TUBE1: variants seen among roughly 807,000 people sequenced by gnomAD.
TUBE1 encodes tubulin epsilon 1.
TUBE1 carries 34 observed loss-of-function variants against 53.5 expected under a neutral mutation model. That is an observed-to-expected ratio of 0.64 (90% CI 0.48 to 0.85). The LOEUF (loss-of-function observed/expected upper bound fraction) is 0.85. Among genes scored for constraint, TUBE1 ranks in the 40% least tolerant of loss-of-function variants. The probability of loss-of-function intolerance (pLI) is 0.00; values close to 1 mark genes in which losing one functional copy is unlikely to be tolerated. For missense variants in TUBE1, 532 were observed against 570.5 expected (o/e 0.93, Z 0.69); for synonymous variants, 177 against 198.4 (o/e 0.89, Z 0.91).
chr6:112,075,066 TTC>T (rs201938598), intron 8 of TUBE1: 2,284 of 173,414 alleles, frequency 0.013, 47 homozygotes, highest in African/African-American at 0.033. Flanking sequence ...TTTTTTTTCT[TTC>T]TTTTTTTTTT....
chr6:112,073,622 A>C (rs1776905412), intron 9 of TUBE1, among the ~76,000 whole-genome samples: 1 of 152,182 alleles, frequency 6.6e-6, no homozygotes, highest in African/African-American at 2.4e-5. Flanking sequence ...ACGGAGTCCT[A>C]TCTATTAGTT....
rs146955027 is a variant in TUBE1, at chr6:112,076,490, G to T, written c.468C>A (p.Gly156=). Residue 156 remains glycine, a synonymous_variant, in exon 7 of 12, where the codon GGC becomes GGA. Coordinates refer to ENST00000368662, the MANE Select transcript of TUBE1 (RefSeq NM_016262.5). ...SMGGGTGSGL[G]TFLLKVLEDE... is the part of the protein sequence containing the mutation. ...CTTCAAGCACCTTTAAAAGAAATGT[G>T]CCAAGTCCAGATCCTGTTCCTGAGG... The T allele has an allele frequency of 2.4e-4, 379 of 1,607,442 alleles. 4 individuals are homozygous for T. The East Asian group carries it at 7.7e-3, about 33-fold the overall frequency.
At chr6:112,072,206 G>T in intron 10 of TUBE1, 130 bp from the exon 11 acceptor site, 1 of 628,100 alleles carries the variant, frequency 1.6e-6, no homozygotes, top group Non-Finnish European at 2.6e-6. Flanking sequence ...TAGTTTAGAC[G>T]CTAAGTTATC....
rs1166893564 is a variant in TUBE1, at chr6:112,070,967, T to C, written c.*445A>G. 6.6e-6 allele frequency: 1 copy of C among 152,128 alleles called. No individual in the cohort carries two copies. Among genetic ancestry groups the C allele is most frequent in the Non-Finnish European group, 1.5e-5 (1 of 67,990 alleles). The allele number at this position is 152,128 out of a possible 1,614,324, so 9.4% of individuals were successfully genotyped here. A position where few individuals can be genotyped will look rare whatever the true frequency, so the allele number is the denominator to read the frequency against. ...CCTATGCCTGAAAAGTTGGTGGCTA[T>C]TACACGGAAATATTTATATTGTGTT... On this transcript the variant is annotated 3_prime_UTR_variant, in exon 12 of 12. Transcript: ENST00000368662.
chr6:112,078,432 G>T (rs1049916404), intron 6 of TUBE1: 2 of 152,016 alleles, frequency 1.3e-5, no homozygotes, highest in South Asian at 4.1e-4. Flanking sequence ...AAGTGGAAAA[G>T]TTACAGTATA....
intron 4 of TUBE1, among the ~76,000 whole-genome samples, chr6:112,083,133 A>G (rs1777096008): frequency 6.6e-6 from 1 of 151,932 alleles, no homozygotes; most frequent in Admixed American, 6.6e-5. Context: ...TACATCACAA[A>G]GCATACTGTG....
chr6:112,087,184 TG>T, intron 2 of TUBE1, 48 bp downstream of exon 2: 2 of 1,503,870 alleles, frequency 1.3e-6, no homozygotes, highest in Non-Finnish European at 9.0e-7. Context: ...GCGTATGGGC[TG>T]GAAGACCTAG....
In TUBE1 at chr6:112,081,104, G is replaced by A; in HGVS notation, c.314C>T (p.Ser105Leu). ...TKQLITDISG[S>L]GNNWAVGHKV... ...TGTGTATTCTCACCAATTATTTCCT[G>A]AGCCAGAAATATCAGTGATGAGCTG... is the stretch of plus-strand genomic sequence containing the variant. The change falls in exon 5 of 12, where the codon TCA (serine) becomes TTA (leucine). Residue 105 changes from serine (S) to leucine (L), a missense_variant. Physicochemically the swap from Ser to Leu is moderately radical, Grantham distance 145. Transcript: ENST00000368662. The A allele has an allele frequency of 1.3e-6, 2 of 1,590,976 alleles. No individual in the cohort carries two copies. Among genetic ancestry groups the A allele is most frequent in the Non-Finnish European group, 1.7e-6 (2 of 1,166,926 alleles).
chr6:112,073,122 G>GC (rs1554315603), intron 9 of TUBE1, among the ~76,000 whole-genome samples: 55 of 132,914 alleles, frequency 4.1e-4, no homozygotes, highest in African/African-American at 1.7e-3. Flanking sequence ...TTTTTCTGGG[G>GC]GAAAAGGCTT....
At chr6:112,075,683 T>C (rs1776952604) in intron 8 of TUBE1, 2 of 305,584 alleles carry the variant, frequency 6.5e-6, no homozygotes, top group Non-Finnish European at 1.2e-5. Flanking sequence ...CTACGTGTTT[T>C]ACAAGTGTGT....
At chr6:112,076,207 A>AT (rs1402340003) in intron 7 of TUBE1, 95 bp from the exon 8 acceptor site, 5 of 1,475,382 alleles carry the variant, frequency 3.4e-6, no homozygotes, top group Admixed American at 4.4e-5. Flanking sequence ...ATTTAAACTG[A>AT]TTTTTTCTCT....
rs782196125 is a variant in TUBE1 at position 112,072,849 on chromosome 6, G to A, written c.1003C>T (p.Arg335Trp). Residue 335 changes from arginine to tryptophan, a missense_variant, in exon 10 of 12, where the codon CGG (arginine) becomes TGG (tryptophan). Arg to Trp is a moderately radical substitution (Grantham distance 101, BLOSUM62 -3). Coordinates refer to ENST00000368662, the MANE Select transcript of TUBE1 (RefSeq NM_016262.5). ...TAAAGACTGTGTTTGGGGTCTGCCC[G>A]AAGCAGCTGGTGATCTTTACTAAAG... ...DAFSKDHQLL[R>W]ADPKHSLYLA... The A allele has an allele frequency of 9.9e-6, 16 of 1,613,460 alleles. No individual in the cohort carries two copies. Among genetic ancestry groups the A allele is most frequent in the East Asian group, 4.5e-5 (2 of 44,888 alleles).
chr6:112,074,649 T>C, intron 9 of TUBE1, 61 bp downstream of exon 9: 1 of 1,317,376 alleles, frequency 7.6e-7, no homozygotes, highest in Non-Finnish European at 9.9e-7. Flanking sequence ...CTTTTTTCTC[T>C]TAAAAATGTT....
intron 4 of TUBE1, among the ~76,000 whole-genome samples, chr6:112,081,864 T>C (rs1270634725): frequency 6.6e-6 from 1 of 151,414 alleles, no homozygotes; most frequent in African/African-American, 2.4e-5. Flanking sequence ...CAGGGATAGC[T>C]TGGCAGTAGG....
chr6:112,083,943 T>G, intron 4 of TUBE1: 2 of 448,552 alleles, frequency 4.5e-6, no homozygotes, highest in Non-Finnish European at 8.0e-6. Context: ...GAATGCTCCT[T>G]TTGTTATCAT....
At chr6:112,085,491 G>A (rs1315355579) in intron 3 of TUBE1, 1 of 346,934 alleles carries the variant, frequency 2.9e-6, no homozygotes, top group Non-Finnish European at 5.7e-6. Context: ...AAGTAAAGAG[G>A]TGGGTGTAGG....
chr6:112,078,716 A>G (rs2114485830), intron 6 of TUBE1: 1 of 152,186 alleles, frequency 6.6e-6, no homozygotes, highest in South Asian at 2.1e-4. Flanking sequence ...CTATAAATCA[A>G]ATAAAAAGCT....
intron 7 of TUBE1, 33 bp downstream of exon 7, chr6:112,076,289 C>T (rs1554316050): frequency 1.3e-6 from 2 of 1,511,218 alleles, no homozygotes; most frequent in South Asian, 2.6e-5. Context: ...ATATATATAA[C>T]ATTTATTCAT....
intron 5 of TUBE1, among the ~76,000 whole-genome samples, chr6:112,080,249 C>CAT (rs1777049492): frequency 6.6e-6 from 1 of 152,004 alleles, no homozygotes; most frequent in Admixed American, 6.6e-5. Flanking sequence ...TGAAATGGTA[C>CAT]ATGGTAGAAA....
Sources: gnomAD v4.1 joint callset for allele counts (sites outside exome capture counted in the v4.1 genomes callset) on GRCh38, gnomAD v4.1.1 for gene constraint, MANE v1.5 for transcripts, NCBI Gene and HGNC (gene_info 2026-07-23, HGNC 2026-07-21) for gene names.